The following PSMD1 variants were observed in gnomAD, a reference collection of about 807,000 sequenced individuals.
PSMD1 encodes the protein 26S proteasome non-ATPase regulatory subunit 1.
PSMD1 carries 18 observed loss-of-function variants against 119.0 expected under a neutral mutation model. That is an observed-to-expected ratio of 0.15 (90% CI 0.10 to 0.22). The LOEUF (loss-of-function observed/expected upper bound fraction) is 0.22. PSMD1 is among the 10% of genes least tolerant of loss of function. The pLI is 1.00. For missense variants in PSMD1, 702 were observed against 1,158.5 expected, an observed-to-expected ratio of 0.61 and a Z score of 5.72; for synonymous variants, 374 against 396.6, an observed-to-expected ratio of 0.94 and a Z score of 0.68.
intron 16 of PSMD1, among the ~76,000 whole-genome samples, chr2:231,111,868 A>G (rs923825631): frequency 2.6e-5 from 4 of 152,154 alleles, no homozygotes; most frequent in Non-Finnish European, 5.9e-5. Flanking sequence ...ACTTTGTGTT[A>G]GTGTAATTTG....
At chr2:231,124,007 C>T (rs1444764810) in intron 16 of PSMD1, 1 of 479,140 alleles carries the variant, frequency 2.1e-6, no homozygotes, top group African/African-American at 1.9e-5. Flanking sequence ...TTTAGGAAAG[C>T]TCAGTGAAAG....
intron 16 of PSMD1, among the ~76,000 whole-genome samples, chr2:231,118,576 TG>T (rs1363056422): frequency 6.6e-6 from 1 of 152,182 alleles, no homozygotes; most frequent in Non-Finnish European, 1.5e-5. Flanking sequence ...TTTGTTGGTT[TG>T]GGTATTTTTT....
intron 4 of PSMD1, among the ~76,000 whole-genome samples, chr2:231,065,261 GTTTTTTGTTTTTTTGTTTTTTTTGT>G (rs1693875377): frequency 6.7e-6 from 1 of 150,064 alleles, no homozygotes; most frequent in Non-Finnish European, 1.5e-5. Context: ...GGGTGACTGG[GTTTTTTGTTTTTTTGTTTTTTTTGT>G]TTTTTTGTTT....
intron 16 of PSMD1, among the ~76,000 whole-genome samples, chr2:231,127,421 C>T (rs1414156561): frequency 6.6e-6 from 1 of 152,188 alleles, no homozygotes; most frequent in Non-Finnish European, 1.5e-5. Flanking sequence ...GTGGCACAAT[C>T]TCAGCTCACT....
chr2:231,072,354 C>T lies in PSMD1; in HGVS notation c.820C>T (p.Pro274Ser), dbSNP rs781765052. 1 of 1,614,042 alleles carries T rather than the reference C, an allele frequency of 6.2e-7. No individual in the cohort carries two copies. Among genetic ancestry groups the T allele is most frequent in the Admixed American group, 1.7e-5 (1 of 60,024 alleles). Reference sequence around the variant, plus strand: ...CCAGAATCTTCGAACTGTTGGCACCCCTATTGCTTCTGTGCCTGGATCCAC... The same window carrying T: ...CCAGAATCTTCGAACTGTTGGCACCTCTATTGCTTCTGTGCCTGGATCCAC... ...VIQNLRTVGT[P>S]IASVPGSTNT... Residue 274 changes from proline (P) to serine (S), a missense_variant, in exon 7 of 25, where the codon CCT becomes TCT. Physicochemically the swap from Pro to Ser is moderately conservative, Grantham distance 74 (BLOSUM62 -1). Coordinates refer to ENST00000308696, the MANE Select transcript of PSMD1 (RefSeq NM_002807.4).
intron 14 of PSMD1, among the ~76,000 whole-genome samples, chr2:231,083,999 C>A (rs1694374537): frequency 6.6e-6 from 1 of 152,182 alleles, no homozygotes; most frequent in East Asian, 1.9e-4. Context: ...CGGTGATACT[C>A]ATAAGCAGAT....
chr2:231,141,805 G>A (rs1696124071), intron 17 of PSMD1, among the ~76,000 whole-genome samples: 1 of 152,076 alleles, frequency 6.6e-6, no homozygotes, highest in South Asian at 2.1e-4. Context: ...GGATGTGATG[G>A]TGACCAAGTT....
At chr2:231,126,058 A>G (rs1695711713) in intron 16 of PSMD1, among the ~76,000 whole-genome samples, 1 of 152,224 alleles carries the variant, frequency 6.6e-6, no homozygotes, top group South Asian at 2.1e-4. Context: ...AATAATATTC[A>G]AGAGAAATCA....
intron 16 of PSMD1, among the ~76,000 whole-genome samples, chr2:231,114,141 A>T (rs1314461986): frequency 6.6e-6 from 1 of 152,202 alleles, no homozygotes; most frequent in East Asian, 1.9e-4. Flanking sequence ...TCTATTTTGC[A>T]TAATAATTGT....
intron 9 of PSMD1, among the ~76,000 whole-genome samples, chr2:231,078,171 G>A (rs1337917425): frequency 2.0e-5 from 3 of 152,166 alleles, no homozygotes; most frequent in African/African-American, 7.2e-5. Flanking sequence ...GCGAGACTGA[G>A]GCAGGAGAAT....
chr2:231,083,572 G>A lies in PSMD1; in HGVS notation c.1531G>A (p.Ala511Thr). 1 of 1,614,200 alleles carries A rather than the reference G, an allele frequency of 6.2e-7. No homozygotes were observed. Among genetic ancestry groups the A allele is most frequent in the Non-Finnish European group, 8.5e-7 (1 of 1,180,020 alleles). Residue 511 changes from alanine to threonine, a missense_variant, in exon 14 of 25, where the codon GCA becomes ACA. Coordinates refer to ENST00000308696, the MANE Select transcript of PSMD1 (RefSeq NM_002807.4). Reference sequence around the variant, plus strand: ...TTTTACTCGTTACTTGCCAGGGGAAGCAGCTGGCCTGGCCCTAGGTTTGGT... The same window carrying A: ...TTTTACTCGTTACTTGCCAGGGGAAACAGCTGGCCTGGCCCTAGGTTTGGT... The part of the protein sequence containing the change: ...LYQDDAVTGE[A>T]AGLALGLVML...
intron 15 of PSMD1, among the ~76,000 whole-genome samples, chr2:231,085,846 G>A (rs1694418593): frequency 6.6e-6 from 1 of 152,162 alleles, no homozygotes; most frequent in Admixed American, 6.5e-5. Context: ...TCATCGTGGT[G>A]CTGGGAAAAG....
chr2:231,120,377 G>C (rs185272445), intron 16 of PSMD1, among the ~76,000 whole-genome samples: 1 of 152,146 alleles, frequency 6.6e-6, no homozygotes, highest in Non-Finnish European at 1.5e-5. Flanking sequence ...TATTTCTAAC[G>C]TAGGTATTTT....
chr2:231,161,233 C>A, intron 19 of PSMD1, 107 bp from the exon 20 acceptor site: 1 of 1,102,038 alleles, frequency 9.1e-7, no homozygotes. Context: ...GAGACCCTAT[C>A]TCTTTAAAAA....
At chr2:231,091,699 A>ATGGC (rs1694598960) in intron 16 of PSMD1, among the ~76,000 whole-genome samples, 1 of 152,090 alleles carries the variant, frequency 6.6e-6, no homozygotes. Flanking sequence ...ATCCTTCCAT[A>ATGGC]TGGCTGTTTG....
At chr2:231,123,415 A>G (rs1695614599) in intron 16 of PSMD1, 1 of 1,611,050 alleles carries the variant, frequency 6.2e-7, no homozygotes. Context: ...ATACTTACCA[A>G]ACATTATTGT....
chr2:231,069,026 G>C (rs1011026749), intron 5 of PSMD1, among the ~76,000 whole-genome samples: 1 of 152,038 alleles, frequency 6.6e-6, no homozygotes, highest in Non-Finnish European at 1.5e-5. Flanking sequence ...GCATCTGCTG[G>C]GGGTGCTGGA....
intron 19 of PSMD1, among the ~76,000 whole-genome samples, chr2:231,156,273 A>G (rs550808188): frequency 1.3e-5 from 2 of 152,098 alleles, no homozygotes; most frequent in South Asian, 2.1e-4. Flanking sequence ...TGCCCCTCCA[A>G]TTTCCCCTGT....
Position 231,062,280 on chromosome 2 carries a change from T to C in PSMD1, c.93T>C (p.Val31=). The C allele has an allele frequency of 1.2e-6, 2 of 1,613,376 alleles. No homozygotes were observed. Among genetic ancestry groups the C allele is most frequent in the South Asian group, 2.2e-5 (2 of 91,000 alleles). The change falls in exon 3 of 25, where the codon GTT becomes GTC. Residue 31 remains valine, a synonymous_variant. Coordinates refer to ENST00000308696, the MANE Select transcript of PSMD1 (RefSeq NM_002807.4). ...EFALHKLNAV[V]NDFWAEISES... ...CACTACACAAATTGAATGCAGTTGT[T>C]AATGACTTCTGGGCAGAAATTTCCG...
Sources: allele counts gnomAD v4.1 joint callset (sites outside exome capture counted in the v4.1 genomes callset), GRCh38; gene constraint gnomAD v4.1.1; transcripts MANE v1.5; gene names NCBI Gene and HGNC (gene_info 2026-07-23, HGNC 2026-07-21).